Variants in HCN3 observed in about 807,000 individuals in gnomAD.
The protein encoded by HCN3 is hyperpolarization activated cyclic nucleotide gated potassium channel 3.
A neutral mutation model predicts 56.8 loss-of-function variants in HCN3; 36 were observed. The observed-to-expected ratio is 0.63, with a 90% CI of 0.49 to 0.84. The LOEUF (loss-of-function observed/expected upper bound fraction) is 0.84, where lower values mean the gene tolerates loss of function less well. HCN3 is among the 40% of genes least tolerant of loss of function. The pLI, the probability that HCN3 is intolerant of heterozygous loss-of-function variation, is 0.00. For synonymous variants in HCN3, 425 were observed against 439.7 expected, an observed-to-expected ratio of 0.97 and a Z score of 0.42; for missense variants, 930 against 1,079.3, an observed-to-expected ratio of 0.86 and a Z score of 1.94.
chr1:155,278,733 T>C (rs1673907665), intron 1 of HCN3, among the ~76,000 whole-genome samples: 1 of 152,166 alleles, frequency 6.6e-6, no homozygotes, highest in African/African-American at 2.4e-5. Flanking sequence ...AATCCACATA[T>C]ATACACACTC....
At chr1:155,286,841 TA>T (rs1251093866) in intron 6 of HCN3, among the ~76,000 whole-genome samples, 3 of 152,050 alleles carry the variant, frequency 2.0e-5, no homozygotes, top group Admixed American at 2.0e-4. Context: ...TGCCCAGGTC[TA>T]CCTCTTGGGA....
rs751375095 is a variant in HCN3 at position 155,285,319 on chromosome 1, T to A, written c.1236+8T>A. On this transcript the variant is annotated splice_region_variant and intron_variant, in intron 5 of 7. Transcript: ENST00000368358. This position sits in a 1 kb window ranked among gnomAD's most constrained non-coding sequence, Gnocchi z 4.5. Reference sequence around the variant, plus strand: ...AGCGAGCCGCTTCGCGAGGTGGGGCTGGGTTGGGCCTGGAAGGGGGGCTCT... The same window carrying A: ...AGCGAGCCGCTTCGCGAGGTGGGGCAGGGTTGGGCCTGGAAGGGGGGCTCT... The A allele has an allele frequency of 1.9e-6, 3 of 1,613,748 alleles. No individual in the cohort carries two copies. The highest frequency in any genetic ancestry group is 2.2e-5 in the South Asian group (2 of 91,040).
Position 155,284,506 on chromosome 1 carries a change from A to G in HCN3, c.871-33A>G. On this transcript the variant is annotated intron_variant, in intron 3 of 7. Coordinates refer to ENST00000368358, the MANE Select transcript of HCN3 (RefSeq NM_020897.3). The surrounding 1 kb of genome is among the most constrained non-coding windows in gnomAD (Gnocchi z 4.3). ...CAGAGAATGAGGCTCCGAGGGGCCC[A>G]TGCCCAGCTCTGCAATATACTCTGC... The G allele has an allele frequency of 6.3e-7, 1 of 1,587,020 alleles. No individual in the cohort carries two copies. Among genetic ancestry groups the G allele is most frequent in the South Asian group, 1.1e-5 (1 of 89,934 alleles).
chr1:155,286,182 G>A (rs1158975499), intron 6 of HCN3, among the ~76,000 whole-genome samples: 1 of 152,130 alleles, frequency 6.6e-6, no homozygotes. Flanking sequence ...GTCTCGCTCT[G>A]TTGCCCAGGC....
rs1278072214 is a variant in HCN3, at chr1:155,284,925, A to G, written c.1089+168A>G. Among the ~76,000 whole-genome samples the G allele has an allele frequency of 1.3e-5, 2 of 151,942 alleles. No individual in the cohort carries two copies. The highest frequency in any genetic ancestry group is 4.8e-5 in the African/African-American group (2 of 41,332). On this transcript the variant is annotated intron_variant, in intron 4 of 7. Transcript: ENST00000368358. The surrounding 1 kb of genome is among the most constrained non-coding windows in gnomAD (Gnocchi z 4.3). Reference sequence around the variant, plus strand: ...ATGTACCTTTTCCTTGTTTGAACCTATGCCTGTGCTTGGCCCCTCTGCTGT... The same window carrying G: ...ATGTACCTTTTCCTTGTTTGAACCTGTGCCTGTGCTTGGCCCCTCTGCTGT...
chr1:155,278,755 C>T (rs1673909300), intron 1 of HCN3, among the ~76,000 whole-genome samples: 1 of 152,206 alleles, frequency 6.6e-6, no homozygotes. Flanking sequence ...CTCTATGTCT[C>T]TCTTCCTCCC....
chr1:155,287,217 G>A lies in HCN3; in HGVS notation c.1522G>A (p.Ala508Thr), dbSNP rs1674319439. 6.2e-7 allele frequency: 1 copy of A among 1,613,834 alleles called. No homozygotes were observed. Among genetic ancestry groups the A allele is most frequent in the South Asian group, 1.1e-5 (1 of 91,078 alleles). The change falls in exon 7 of 8, where the codon GCT becomes ACT. Residue 508 changes from alanine to threonine, a missense_variant. Ala to Thr is a moderately conservative substitution (Grantham distance 58). Coordinates refer to ENST00000368358, the MANE Select transcript of HCN3 (RefSeq NM_020897.3). ...GGGCCGGCGCACAGCCAGTGTTCGG[G>A]CTGACACCTACTGCCGCCTTTACTC... ...TRGRRTASVR[A>T]DTYCRLYSLS... is the part of the protein sequence containing the mutation.
At chr1:155,280,435 A>G (rs1008454262) in intron 1 of HCN3, among the ~76,000 whole-genome samples, 1 of 145,662 alleles carries the variant, frequency 6.9e-6, no homozygotes, top group Admixed American at 6.8e-5. Context: ...ACACCTGGCT[A>G]ATTTTTTTTT....
chr1:155,285,383 G>T lies in HCN3; in HGVS notation c.1236+72G>T. The T allele has an allele frequency of 6.4e-7, 1 of 1,566,244 alleles. No individual in the cohort carries two copies. ...GTGCTGTCTGGTGGTAGGGGCTATT[G>T]GTCAGCAGGTGCTCCTATAGGGAAT... is the stretch of plus-strand genomic sequence containing the variant. On this transcript the variant is annotated intron_variant, in intron 5 of 7. Coordinates refer to ENST00000368358, the MANE Select transcript of HCN3 (RefSeq NM_020897.3). This position sits in a 1 kb window ranked among gnomAD's most constrained non-coding sequence, Gnocchi z 4.5.
Position 155,282,275 on chromosome 1 carries a change from C to T in HCN3, c.279-136C>T. The T allele has an allele frequency of 3.7e-6, 3 of 813,714 alleles. No homozygotes were observed. The highest frequency in any genetic ancestry group is 1.7e-5 in the South Asian group (1 of 57,254). 50.4% of individuals were successfully genotyped at this position (813,714 alleles called of 1,614,324 possible). A position where few individuals can be genotyped will look rare whatever the true frequency, so the allele number is the denominator to read the frequency against. On this transcript the variant is annotated intron_variant, in intron 1 of 7. Transcript: ENST00000368358. This position sits in a 1 kb window ranked among gnomAD's most constrained non-coding sequence, Gnocchi z 4.7. ...TCCCAAATGGTGGTCCCAACTTATA[C>T]TCCCAACAGCTGTAAACAGTCATTC...
Position 155,277,795 on chromosome 1 carries a change from A to G in HCN3, c.205A>G (p.Lys69Glu), listed in dbSNP as rs201860113. The change falls in exon 1 of 8, where the codon AAA becomes GAA. Residue 69 changes from lysine to glutamate, a missense_variant. Lys to Glu is a moderately conservative substitution (Grantham distance 56). Coordinates refer to ENST00000368358, the MANE Select transcript of HCN3 (RefSeq NM_020897.3). ...KFSLRVFGSH[K>E]AVEIEQERVK... is the part of the protein sequence containing the mutation. ...CTCCCTTCGGGTGTTCGGCAGCCAC[A>G]AAGCAGTGGAAATCGAGCAGGAGCG... 1.2e-5 allele frequency: 20 copies of G among 1,612,362 alleles called. No homozygotes were observed. Among genetic ancestry groups the G allele is most frequent in the Non-Finnish European group, 1.6e-5 (19 of 1,179,842 alleles).
chr1:155,287,295 C>T lies in HCN3; in HGVS notation c.1600C>T (p.Arg534Trp), dbSNP rs751035994. 19 of 1,613,880 alleles carry T rather than the reference C, an allele frequency of 1.2e-5. No homozygotes were observed. The highest frequency in any genetic ancestry group is 5.5e-5 in the South Asian group (5 of 91,084). Residue 534 changes from arginine (R) to tryptophan (W), a missense_variant, in exon 7 of 8, where the codon CGG (arginine) becomes TGG (tryptophan). Transcript: ENST00000368358. The stretch of plus-strand genomic sequence containing the variant: ...GCTTGAGGAGTTCCCCATGATGCGC[C>T]GGGCCTTTGAGACTGTGGCCATGGA... Reference protein sequence around the residue: ...AVLEEFPMMRRAFETVAMDRL... With the variant: ...AVLEEFPMMRWAFETVAMDRL...
chr1:155,277,958 G>T, intron 1 of HCN3, 90 bp downstream of exon 1: 2 of 1,466,058 alleles, frequency 1.4e-6, no homozygotes, highest in South Asian at 2.5e-5. Context: ...ACCCTCCACG[G>T]TCACTTCATT....
intron 6 of HCN3, 130 bp downstream of exon 6, chr1:155,286,094 C>G: frequency 7.8e-7 from 1 of 1,275,156 alleles, no homozygotes; most frequent in Non-Finnish European, 1.1e-6. Flanking sequence ...CAGGCCTACT[C>G]AGTGAGAATC....
chr1:155,285,457 G>A lies in HCN3; in HGVS notation c.1236+146G>A. ...GAGGCCAGGTATTTGGGCTTTCAGG[G>A]GCTAGGGTCTTTCTTGAAGGCCCTT... On this transcript the variant is annotated intron_variant, in intron 5 of 7. Transcript: ENST00000368358. The surrounding 1 kb of genome is among the most constrained non-coding windows in gnomAD (Gnocchi z 4.5). 8.9e-7 allele frequency: 1 copy of A among 1,126,042 alleles called. No homozygotes were observed. The highest frequency in any genetic ancestry group is 1.2e-6 in the Non-Finnish European group (1 of 804,958). 69.8% of individuals were successfully genotyped at this position (1,126,042 alleles called of 1,614,324 possible).
intron 7 of HCN3, 133 bp downstream of exon 7, chr1:155,287,470 G>A: frequency 9.2e-7 from 1 of 1,087,792 alleles, no homozygotes; most frequent in Non-Finnish European, 1.3e-6. Flanking sequence ...CTCCCTAACA[G>A]GACTTTCAAC....
Position 155,287,324 on chromosome 1 carries a change from G to GCCCAT in HCN3, c.1630_1631insCCATC (p.Leu544ProfsTer75). On this transcript the variant is annotated frameshift_variant, in exon 7 of 8. Transcript: ENST00000368358. LOFTEE classifies it high-confidence loss of function. ...CCTTTGAGACTGTGGCCATGGATCG[G>GCCCAT]CTGCTCCGCATCGGTGAGACCTGTC... is the stretch of plus-strand genomic sequence containing the variant. 3.1e-6 allele frequency: 5 copies of GCCCAT among 1,613,898 alleles called. No homozygotes were observed. The highest frequency in any genetic ancestry group is 4.2e-6 in the Non-Finnish European group (5 of 1,179,910).
intron 1 of HCN3, among the ~76,000 whole-genome samples, chr1:155,281,814 G>T (rs956753615): frequency 6.6e-6 from 1 of 151,906 alleles, no homozygotes; most frequent in Non-Finnish European, 1.5e-5. Context: ...ACAGGGTCTC[G>T]CTCTGTCAGT....
At position 155,286,027 on chromosome 1, in the gene HCN3, C is replaced by T. The variant is rs543460061; in HGVS notation, c.1477+63C>T. On this transcript the variant is annotated intron_variant, in intron 6 of 7. Transcript: ENST00000368358. ...AGACAGTGGAGAGGGCAACTGCTCC[C>T]AGGCTCTGGGTCCCTGCCTCAGTAC... 67 of 1,525,180 alleles carry T rather than the reference C, an allele frequency of 4.4e-5. No homozygotes were observed. The African/African-American group carries it at 8.3e-4, about 19-fold the overall frequency. The allele number at this position is 1,525,180 out of a possible 1,614,324, so 94.5% of individuals were successfully genotyped here. A position where few individuals can be genotyped will look rare whatever the true frequency, so the allele number is the denominator to read the frequency against.
Sources: gnomAD v4.1 joint callset for allele counts (sites outside exome capture counted in the v4.1 genomes callset) on GRCh38, gnomAD v4.1.1 for gene constraint, Gnocchi (gnomAD v3.1) non-coding constraint, MANE v1.5 for transcripts, NCBI Gene and HGNC (gene_info 2026-07-23, HGNC 2026-07-21) for gene names.